Variants in ETS1 observed in about 807,000 individuals in gnomAD.
The protein encoded by ETS1 is ETS proto-oncogene 1, transcription factor.
ETS1 carries 15 observed loss-of-function variants against 58.6 expected under a neutral mutation model. The ratio of observed to expected loss-of-function variants is 0.26; its 90% CI spans 0.17 to 0.39. The LOEUF is 0.39. ETS1 is among the 10% of genes least tolerant of loss of function. The pLI is 1.00. For synonymous variants in ETS1, 214 were observed against 218.2 expected, an observed-to-expected ratio of 0.98 and a Z score of 0.17; for missense variants, 417 against 610.5, an observed-to-expected ratio of 0.68 and a Z score of 3.34.
At chr11:128,580,139 T>C (rs1249609343) in intron 1 of ETS1, among the ~76,000 whole-genome samples, 2 of 143,526 alleles carry the variant, frequency 1.4e-5, no homozygotes, top group African/African-American at 2.6e-5. Flanking sequence ...TTGTGCGTCC[T>C]GAGCTTATCC....
At position 128,563,175 on chromosome 11, in the gene ETS1, T is replaced by C. The variant is rs372458807; in HGVS notation, c.70-6740A>G. On this transcript the variant is annotated intron_variant, in intron 2 of 9. Coordinates refer to ENST00000392668, the MANE Select transcript of ETS1 (RefSeq NM_001143820.2). ...CCTAAACTCCATAGGAGCAAATCTG[T>C]CTTGTCTTTGCTTGACTTCAGAATC... Among the ~76,000 whole-genome samples, 102 of 152,230 alleles carry C rather than the reference T, an allele frequency of 6.7e-4. 2 individuals carry two copies. Among genetic ancestry groups the C allele is most frequent in the African/African-American group, 2.3e-3 (96 of 41,532 alleles).
At chr11:128,525,787 T>TA (rs1478872922) in intron 3 of ETS1, among the ~76,000 whole-genome samples, 2 of 152,152 alleles carry the variant, frequency 1.3e-5, no homozygotes, top group Non-Finnish European at 1.5e-5. Flanking sequence ...GTTTAGTCAT[T>TA]AAAAGTCACA....
chr11:128,501,819 C>A (rs1863097268), intron 3 of ETS1, among the ~76,000 whole-genome samples: 2 of 152,166 alleles, frequency 1.3e-5, no homozygotes, highest in Non-Finnish European at 2.9e-5. Context: ...AAGACTCAGA[C>A]AAAAGCATTA....
chr11:128,472,073 A>G (rs926691563), intron 8 of ETS1, among the ~76,000 whole-genome samples: 7 of 152,228 alleles, frequency 4.6e-5, no homozygotes, highest in African/African-American at 1.7e-4. Context: ...ATAGCAAAAC[A>G]CAATATTAAC....
At chr11:128,556,531 A>T in intron 2 of ETS1, 96 bp from the exon 3 acceptor site, 2 of 783,902 alleles carry the variant, frequency 2.6e-6, no homozygotes, top group Non-Finnish European at 4.0e-6. Flanking sequence ...ATCACATGTA[A>T]GTAAGAATCA....
At chr11:128,548,151 G>GGAAGGGAAGGGAAGT in intron 3 of ETS1, among the ~76,000 whole-genome samples, 1 of 150,920 alleles carries the variant, frequency 6.6e-6, no homozygotes, top group African/African-American at 2.4e-5. Flanking sequence ...GGAAGGGAAG[G>GGAAGGGAAGGGAAGT]GAAGGAAAGG....
intron 3 of ETS1, among the ~76,000 whole-genome samples, chr11:128,516,269 A>G (rs1863521472): frequency 6.6e-6 from 1 of 152,250 alleles, no homozygotes; most frequent in African/African-American, 2.4e-5. Flanking sequence ...CTAGAGACAC[A>G]TGACAAGTAA....
At chr11:128,561,713 C>A (rs1411983047) in intron 2 of ETS1, among the ~76,000 whole-genome samples, 1 of 152,154 alleles carries the variant, frequency 6.6e-6, no homozygotes, top group Non-Finnish European at 1.5e-5. Context: ...TATGTTTATG[C>A]AGTGAAAATG....
chr11:128,492,769 T>C (rs1591614113), intron 3 of ETS1, among the ~76,000 whole-genome samples: 1 of 151,944 alleles, frequency 6.6e-6, no homozygotes, highest in Non-Finnish European at 1.5e-5. Flanking sequence ...GGTCCAGAAA[T>C]GTCTTCCCTT....
rs545525742 is a variant in ETS1 at position 128,524,953 on chromosome 11, A to G, written c.214+31338T>C. ...GCCTCAGTGTCCCCACCAGCCAAAC[A>G]ACAGCAGCCAAGCGTTGCCTTTCAT... On this transcript the variant is annotated intron_variant, in intron 3 of 9. Transcript: ENST00000392668. 3.3e-4 allele frequency among the ~76,000 whole-genome samples: 50 copies of G among 152,172 alleles called. 1 individual carries two copies. Among genetic ancestry groups the G allele is most frequent in the African/African-American group, 1.1e-3 (44 of 41,514 alleles).
At chr11:128,485,280 C>T (rs182758096) in intron 6 of ETS1, among the ~76,000 whole-genome samples, 246 of 152,282 alleles carry the variant, frequency 1.6e-3, no homozygotes, top group Non-Finnish European at 2.6e-3. Context: ...GACTTCATAT[C>T]CTCATCTCTA....
At chr11:128,514,641 A>T (rs2135506408) in intron 3 of ETS1, among the ~76,000 whole-genome samples, 1 of 152,340 alleles carries the variant, frequency 6.6e-6, no homozygotes, top group East Asian at 1.9e-4. Flanking sequence ...ATATTTTCAT[A>T]AATGTAAACA....
chr11:128,554,191 A>G (rs896860103), intron 3 of ETS1, among the ~76,000 whole-genome samples: 1 of 152,208 alleles, frequency 6.6e-6, no homozygotes, highest in Non-Finnish European at 1.5e-5. Context: ...GTTCTTGCCA[A>G]ACATTTCCAT....
At chr11:128,574,874 T>C (rs189896644) in intron 1 of ETS1, among the ~76,000 whole-genome samples, 8 of 152,364 alleles carry the variant, frequency 5.3e-5, no homozygotes, top group African/African-American at 1.9e-4. Context: ...TGTCATATGA[T>C]AATGGCTTAA....
intron 3 of ETS1, among the ~76,000 whole-genome samples, chr11:128,551,213 G>A (rs1288746936): frequency 6.6e-6 from 1 of 152,198 alleles, no homozygotes; most frequent in Non-Finnish European, 1.5e-5. Flanking sequence ...TTCAGAGCAA[G>A]GTGAGTCTCC....
chr11:128,562,351 G>C (rs146652425), intron 2 of ETS1, among the ~76,000 whole-genome samples: 2,261 of 152,324 alleles, frequency 0.015, 63 homozygotes, highest in African/African-American at 0.051. Context: ...AGAGGTTGCA[G>C]TGAGCCGAGA....
intron 3 of ETS1, among the ~76,000 whole-genome samples, chr11:128,501,652 G>A (rs890763983): frequency 6.6e-6 from 1 of 152,144 alleles, no homozygotes; most frequent in African/African-American, 2.4e-5. Context: ...AGCAAGTACT[G>A]ATCCCCATAA....
intron 2 of ETS1, among the ~76,000 whole-genome samples, chr11:128,565,631 C>A (rs1565412334): frequency 6.6e-6 from 1 of 152,172 alleles, no homozygotes; most frequent in Non-Finnish European, 1.5e-5. Flanking sequence ...GCCCCACAGT[C>A]CAAGATGCTG....
At chr11:128,581,530 A>G (rs759432632) in intron 1 of ETS1, among the ~76,000 whole-genome samples, 4 of 152,192 alleles carry the variant, frequency 2.6e-5, no homozygotes, top group Admixed American at 1.3e-4. Context: ...GAATAAATAA[A>G]TAAGGATTGT....
Sources: gnomAD v4.1 joint callset for allele counts (sites outside exome capture counted in the v4.1 genomes callset) on GRCh38, gnomAD v4.1.1 for gene constraint, MANE v1.5 for transcripts, NCBI Gene and HGNC (gene_info 2026-07-23, HGNC 2026-07-21) for gene names.